MRPL12: variants seen among roughly 807,000 people sequenced by gnomAD.
MRPL12 encodes the protein mitochondrial ribosomal protein L12.
In MRPL12, 13 loss-of-function variants were observed where a neutral mutation model predicts 21.1. The ratio of observed to expected loss-of-function variants is 0.62; its 90% CI spans 0.40 to 0.98. MRPL12 has a LOEUF of 0.98. Ranked by LOEUF, MRPL12 falls within the 50% of genes least tolerant of loss-of-function variation. The pLI is 0.00. For missense variants in MRPL12, 251 were observed against 268.6 expected (o/e 0.93, Z 0.46); for synonymous variants, 126 against 115.3 (o/e 1.09, Z -0.60).
At chr17:81,703,721 G>A (rs1201594331) in intron 1 of MRPL12, 146 bp downstream of exon 1, 31 of 731,304 alleles carry the variant, frequency 4.2e-5, no homozygotes, top group Non-Finnish European at 5.8e-5. Context: ...GGGGGCGCGG[G>A]GAGGAGGCCT....
Position 81,707,300 on chromosome 17 carries a change from C to T in MRPL12, c.*60C>T. The T allele has an allele frequency of 1.4e-6, 2 of 1,463,758 alleles. No individual in the cohort carries two copies. The highest frequency in any genetic ancestry group is 1.8e-6 in the Non-Finnish European group (2 of 1,088,154). 90.7% of individuals were successfully genotyped at this position (1,463,758 alleles called of 1,614,324 possible). ...GGGCCCCGGGCGAGGTCCCGCCCTCCCGTGGTCACTGGCTCCGCCCCCAGC... is the reference window on the plus strand; with the variant it reads ...GGGCCCCGGGCGAGGTCCCGCCCTCTCGTGGTCACTGGCTCCGCCCCCAGC... On this transcript the variant is annotated 3_prime_UTR_variant, in exon 5 of 5. Transcript: ENST00000333676.
chr17:81,706,867 C>A (rs771047527), intron 3 of MRPL12, 39 bp from the exon 4 acceptor site: 3 of 1,607,984 alleles, frequency 1.9e-6, no homozygotes, highest in South Asian at 2.2e-5. Flanking sequence ...TCCCCCCAGC[C>A]CTTTGTCACC....
chr17:81,704,769 C>T (rs1293703576), intron 3 of MRPL12, 53 bp downstream of exon 3: 3 of 1,465,002 alleles, frequency 2.0e-6, no homozygotes, highest in South Asian at 1.2e-5. Context: ...CGCCTGTGGC[C>T]TCATGTGCCG....
chr17:81,704,210 T>A, intron 1 of MRPL12, 34 bp from the exon 2 acceptor site: 1 of 1,579,408 alleles, frequency 6.3e-7, no homozygotes, highest in Non-Finnish European at 8.6e-7. Context: ...ATTCCAGGAC[T>A]GACAAGTCTG....
chr17:81,703,636 AG>A, intron 1 of MRPL12, 61 bp downstream of exon 1: 1 of 1,285,724 alleles, frequency 7.8e-7, no homozygotes, highest in South Asian at 2.1e-5. Context: ...CCGGGCACTG[AG>A]GGGTCGATCC....
Position 81,704,357 on chromosome 17 carries a change from A to C in MRPL12, c.188A>C (p.Lys63Thr). The C allele has an allele frequency of 6.2e-7, 1 of 1,613,682 alleles. No homozygotes were observed. Among genetic ancestry groups the C allele is most frequent in the Non-Finnish European group, 8.5e-7 (1 of 1,179,950 alleles). ...AACGCCCCCAAGGAGTACCCCCCCA[A>C]GATACAGCAGCTGGTCCAGGACATC... is the stretch of plus-strand genomic sequence containing the variant. The part of the protein sequence containing the change: ...LDNAPKEYPP[K>T]IQQLVQDIAS... Residue 63 changes from lysine (K) to threonine (T), a missense_variant, in exon 2 of 5, where the codon AAG becomes ACG. Lys to Thr is a moderately conservative substitution (Grantham distance 78). Transcript: ENST00000333676.
chr17:81,703,631 C>A, intron 1 of MRPL12, 56 bp downstream of exon 1: 6 of 1,300,204 alleles, frequency 4.6e-6, no homozygotes, highest in Non-Finnish European at 5.9e-6. Flanking sequence ...GGCAGCCGGG[C>A]ACTGAGGGGT....
In MRPL12 at chr17:81,707,026, A is replaced by G. The variant is rs993555170; in HGVS notation, c.466A>G (p.Ile156Val). ...GGAAATCAAGAACTACATCCAAGGC[A>G]TCAACCTCGTCCAGGTCTGTGCCGC... ...IKEIKNYIQG[I>V]NLVQAKKLVE... The change falls in exon 4 of 5, where the codon ATC becomes GTC. Residue 156 changes from isoleucine (I) to valine (V), a missense_variant. By Grantham distance (29) the Ile-to-Val change is conservative. Transcript: ENST00000333676. 1.2e-6 allele frequency: 2 copies of G among 1,614,120 alleles called. No homozygotes were observed. The highest frequency in any genetic ancestry group is 1.7e-5 in the Admixed American group (1 of 60,036).
Position 81,704,398 on chromosome 17 carries a change from T to G in MRPL12, c.229T>G (p.Leu77Val). The part of the protein sequence containing the change: ...LVQDIASLTL[L>V]EISDLNELLK... ...CCAGGACATCGCCAGCCTCACTCTCTTGGAAATCTCAGACCTCAACGAGCT... is the reference window on the plus strand; with the variant it reads ...CCAGGACATCGCCAGCCTCACTCTCGTGGAAATCTCAGACCTCAACGAGCT... Residue 77 changes from leucine to valine, a missense_variant, in exon 2 of 5, where the codon TTG (leucine) becomes GTG (valine). Transcript: ENST00000333676. 6.2e-7 allele frequency: 1 copy of G among 1,613,184 alleles called. No individual in the cohort carries two copies. The highest frequency in any genetic ancestry group is 8.5e-7 in the Non-Finnish European group (1 of 1,179,746).
Position 81,703,433 on chromosome 17 carries a change from G to C in MRPL12, c.-69G>C, listed in dbSNP as rs921765094. 2 of 1,365,170 alleles carry C rather than the reference G, an allele frequency of 1.5e-6. No homozygotes were observed. Among genetic ancestry groups the C allele is most frequent in the Admixed American group, 2.7e-5 (1 of 37,274 alleles). 84.6% of individuals were successfully genotyped at this position (1,365,170 alleles called of 1,614,324 possible). ...GCGTTCCTCCCCAGCTCGAATGCCC[G>C]GCGGCCGAGGCGGCTAGAGCGTCGC... On this transcript the variant is annotated 5_prime_UTR_variant, in exon 1 of 5. Transcript: ENST00000333676.
rs1439009414 is a variant in MRPL12 at position 81,704,708 on chromosome 17, G to A, written c.337G>A (p.Ala113Thr). 1 of 1,613,054 alleles carries A rather than the reference G, an allele frequency of 6.2e-7. No homozygotes were observed. Residue 113 changes from alanine to threonine, a missense_variant, in exon 3 of 5, where the codon GCC (alanine) becomes ACC (threonine). Transcript: ENST00000333676. ...VMSGAVPAAA[A>T]QEAVEEDIPI... ...GTCTGGGGCTGTCCCTGCTGCAGCA[G>A]CCCAGGAGGTGAGTCCTGGGCAGAA...
Position 81,703,451 on chromosome 17 carries a change from A to C in MRPL12, c.-51A>C. The C allele has an allele frequency of 6.9e-7, 1 of 1,446,892 alleles. No homozygotes were observed. Among genetic ancestry groups the C allele is most frequent in the East Asian group, 3.0e-5 (1 of 33,760 alleles). The allele number at this position is 1,446,892 out of a possible 1,614,324, so 89.6% of individuals were successfully genotyped here. ...AATGCCCGGCGGCCGAGGCGGCTAG[A>C]GCGTCGCCTCCTCCCGGGGAACCGC... On this transcript the variant is annotated 5_prime_UTR_variant, in exon 1 of 5. Transcript: ENST00000333676.
At position 81,703,469 on chromosome 17, in the gene MRPL12, G is replaced by A. The variant is rs1056482385; in HGVS notation, c.-33G>A. 18 of 1,482,602 alleles carry A rather than the reference G, an allele frequency of 1.2e-5. No individual in the cohort carries two copies. The highest frequency in any genetic ancestry group is 1.5e-5 in the Non-Finnish European group (17 of 1,121,634). 91.8% of individuals were successfully genotyped at this position (1,482,602 alleles called of 1,614,324 possible). ...CGGCTAGAGCGTCGCCTCCTCCCGG[G>A]GAACCGCGTGTGACCTTCCAGCCCG... On this transcript the variant is annotated 5_prime_UTR_variant, in exon 1 of 5. Transcript: ENST00000333676.
At chr17:81,705,233 A>T (rs2037302202) in intron 3 of MRPL12, among the ~76,000 whole-genome samples, 1 of 151,176 alleles carries the variant, frequency 6.6e-6, no homozygotes, top group South Asian at 2.1e-4. Flanking sequence ...AATAAATAAA[A>T]ATACAAAAAT....
intron 1 of MRPL12, 47 bp downstream of exon 1, chr17:81,703,622 GC>G: frequency 1.5e-6 from 2 of 1,337,932 alleles, no homozygotes; most frequent in Non-Finnish European, 1.9e-6. Flanking sequence ...GGGTTAGGGG[GC>G]AGCCGGGCAC....
intron 1 of MRPL12, 27 bp downstream of exon 1, chr17:81,703,602 G>A (rs1446231788): frequency 7.3e-6 from 10 of 1,369,370 alleles, no homozygotes; most frequent in Non-Finnish European, 9.4e-6. Flanking sequence ...GGCGGTCCGG[G>A]CCGGCAGGCG....
At position 81,704,975 on chromosome 17, in the gene MRPL12, C is replaced by T. The variant is rs1164091339; in HGVS notation, c.345+259C>T. Among the ~76,000 whole-genome samples, 5 of 152,246 alleles carry T rather than the reference C, an allele frequency of 3.3e-5. No homozygotes were observed. The South Asian group carries it at 8.3e-4, about 25-fold the overall frequency. Reference sequence around the variant, plus strand: ...AGAGGCTGGGCGTGGTGGCTCACGCCTGTAATCCCAGCGCTTCGGGAGGCC... The same window carrying T: ...AGAGGCTGGGCGTGGTGGCTCACGCTTGTAATCCCAGCGCTTCGGGAGGCC... On this transcript the variant is annotated intron_variant, in intron 3 of 4. Coordinates refer to ENST00000333676, the MANE Select transcript of MRPL12 (RefSeq NM_002949.4).
chr17:81,706,925 C>T lies in MRPL12; in HGVS notation c.365C>T (p.Pro122Leu). 1 of 1,613,922 alleles carries T rather than the reference C, an allele frequency of 6.2e-7. No individual in the cohort carries two copies. The highest frequency in any genetic ancestry group is 8.5e-7 in the Non-Finnish European group (1 of 1,180,006). ...AAQEAVEEDIPIAKERTHFTV... is the reference protein window; with the variant it reads ...AAQEAVEEDILIAKERTHFTV... ...CCTAAGGCGGTGGAAGAAGATATCC[C>T]CATAGCGAAAGAACGGACACATTTC... The change falls in exon 4 of 5, where the codon CCC (proline) becomes CTC (leucine). Residue 122 changes from proline (P) to leucine (L), a missense_variant. Pro to Leu is a moderately conservative substitution (Grantham distance 98). Coordinates refer to ENST00000333676, the MANE Select transcript of MRPL12 (RefSeq NM_002949.4).
At chr17:81,704,171 C>T (rs1353212173) in intron 1 of MRPL12, 73 bp from the exon 2 acceptor site, 13 of 1,480,392 alleles carry the variant, frequency 8.8e-6, no homozygotes, top group African/African-American at 1.4e-5. Flanking sequence ...CCCAGTTGTC[C>T]TGCCCCTCTG....
Sources: allele counts gnomAD v4.1 joint callset (sites outside exome capture counted in the v4.1 genomes callset), GRCh38; gene constraint gnomAD v4.1.1; transcripts MANE v1.5; gene names NCBI Gene and HGNC (gene_info 2026-07-23, HGNC 2026-07-21).